FCRL5: variants seen among roughly 807,000 people sequenced by gnomAD.
FCRL5 encodes Fc receptor-like protein 5.
FCRL5 carries 79 observed loss-of-function variants against 92.1 expected under a neutral mutation model. That is an observed-to-expected ratio of 0.86 (90% confidence interval 0.72 to 1.03). The LOEUF (loss-of-function observed/expected upper bound fraction) is 1.03. Ranked by LOEUF, FCRL5 falls within the 50% of genes least tolerant of loss-of-function variation. The pLI, the probability that FCRL5 is intolerant of heterozygous loss-of-function variation, is 0.00. For missense variants in FCRL5, 1,160 were observed against 1,181.1 expected (o/e 0.98, Z 0.26); for synonymous variants, 466 against 469.3 (o/e 0.99, Z 0.09).
chr1:157,542,981 C>A lies in FCRL5; in HGVS notation c.1001G>T (p.Arg334Leu). The A allele has an allele frequency of 3.1e-6, 5 of 1,614,222 alleles. No individual in the cohort carries two copies. The highest frequency in any genetic ancestry group is 4.2e-6 in the Non-Finnish European group (5 of 1,180,032). ...EGVPLRHKSV[R>L]CERGASISFS... ...GCTGATGGATGCTCCCCTTTCACAG[C>A]GGACTGACTTGTGCCTCAGGGGGAC... is the stretch of plus-strand genomic sequence containing the variant. Residue 334 changes from arginine (R) to leucine (L), a missense_variant, in exon 6 of 17, where the codon CGC (arginine) becomes CTC (leucine). Physicochemically the swap from Arg to Leu is moderately radical, Grantham distance 102. Transcript: ENST00000361835.
At chr1:157,532,759 C>A (rs546609219) in intron 8 of FCRL5, 10 of 152,124 alleles carry the variant, frequency 6.6e-5, no homozygotes, top group Non-Finnish European at 1.5e-4. Flanking sequence ...GGGGCTTTGA[C>A]GAGTCAATGT....
intron 8 of FCRL5, chr1:157,534,193 A>G: frequency 2.1e-6 from 1 of 468,018 alleles, no homozygotes; most frequent in South Asian, 2.1e-5. Context: ...GTTCACCAGC[A>G]GCTTTCTCCA....
chr1:157,534,555 G>A (rs1223816299), intron 8 of FCRL5, 59 bp downstream of exon 8: 3 of 1,601,316 alleles, frequency 1.9e-6, no homozygotes, highest in Non-Finnish European at 1.7e-6. Context: ...GATTTTTAAA[G>A]GAATGGGTGA....
intron 8 of FCRL5, among the ~76,000 whole-genome samples, chr1:157,530,230 G>A (rs1042806335): frequency 6.6e-6 from 1 of 151,978 alleles, no homozygotes; most frequent in Non-Finnish European, 1.5e-5. Context: ...TATATTATGG[G>A]CATCTTTCTG....
chr1:157,546,492 A>T (rs1558142459), intron 3 of FCRL5, among the ~76,000 whole-genome samples: 1 of 151,888 alleles, frequency 6.6e-6, no homozygotes, highest in Non-Finnish European at 1.5e-5. Context: ...AACCAAACCA[A>T]ACCAAACCAA....
intron 2 of FCRL5, among the ~76,000 whole-genome samples, chr1:157,547,836 C>T (rs1447068530): frequency 6.6e-6 from 1 of 152,154 alleles, no homozygotes; most frequent in Non-Finnish European, 1.5e-5. Flanking sequence ...TCTCAATTAT[C>T]CACTCAGAGC....
At chr1:157,516,102 A>C in intron 15 of FCRL5, 1 of 617,218 alleles carries the variant, frequency 1.6e-6, no homozygotes, top group East Asian at 2.7e-5. Flanking sequence ...TTTGTGGCCC[A>C]CTCTGAGCTG....
At position 157,515,145 on chromosome 1, in the gene FCRL5, G is replaced by A. The variant is rs181958494; in HGVS notation, c.*530C>T. On this transcript the variant is annotated 3_prime_UTR_variant, in exon 17 of 17. Transcript: ENST00000361835. ...AGGAGTGTGAAATGCAGCCCCCGTG[G>A]GGAGACCCATCACATGTCCCATGTG... The A allele has an allele frequency of 5.7e-6, 1 of 174,374 alleles. No individual in the cohort carries two copies. The highest frequency in any genetic ancestry group is 5.4e-5 in the Admixed American group (1 of 18,592). 10.8% of individuals were successfully genotyped at this position (174,374 alleles called of 1,614,324 possible). A position where few individuals can be genotyped will look rare whatever the true frequency, so the allele number is the denominator to read the frequency against.
chr1:157,537,694 A>G (rs1254322779), intron 7 of FCRL5, among the ~76,000 whole-genome samples: 1 of 152,186 alleles, frequency 6.6e-6, no homozygotes, highest in Non-Finnish European at 1.5e-5. Flanking sequence ...ACCTGCCGAC[A>G]TGTGATGTCG....
intron 8 of FCRL5, 27 bp from the exon 9 acceptor site, chr1:157,527,922 C>G: frequency 6.6e-7 from 1 of 1,514,626 alleles, no homozygotes; most frequent in Non-Finnish European, 8.8e-7. Context: ...GTTAGGGACA[C>G]ATGTATTTTT....
At chr1:157,528,001 A>C in intron 8 of FCRL5, 106 bp from the exon 9 acceptor site, 1 of 1,292,276 alleles carries the variant, frequency 7.7e-7, no homozygotes, top group Non-Finnish European at 1.0e-6. Flanking sequence ...GGACATCCAA[A>C]TTGGTAAAGA....
chr1:157,547,233 G>C (rs1242054620), intron 2 of FCRL5, 36 bp from the exon 3 acceptor site: 5 of 1,609,574 alleles, frequency 3.1e-6, no homozygotes, highest in Non-Finnish European at 4.2e-6. Flanking sequence ...TGAGGTGGAG[G>C]CGCCTGCAGA....
At position 157,544,282 on chromosome 1, in the gene FCRL5, C is replaced by T; in HGVS notation, c.824G>A (p.Arg275Lys). The change falls in exon 5 of 17, where the codon AGA becomes AAA. Residue 275 changes from arginine to lysine, a missense_variant. Arg to Lys is a conservative substitution (Grantham distance 26). Coordinates refer to ENST00000361835, the MANE Select transcript of FCRL5 (RefSeq NM_031281.3). ...MPYSVISDSP[R>K]SWIQVQIPAS... ...CTTACTCTGCACCTGTATCCAGGAT[C>T]TCGGGCTGTCAGATATGACGCTGTA... 6.2e-7 allele frequency: 1 copy of T among 1,614,198 alleles called. No individual in the cohort carries two copies. Among genetic ancestry groups the T allele is most frequent in the Non-Finnish European group, 8.5e-7 (1 of 1,180,006 alleles).
intron 1 of FCRL5, among the ~76,000 whole-genome samples, 182 bp from the exon 2 acceptor site, chr1:157,549,762 A>T (rs1558144685): frequency 6.6e-6 from 1 of 152,120 alleles, no homozygotes; most frequent in Non-Finnish European, 1.5e-5. Flanking sequence ...ATACATATAT[A>T]TATGGCATGG....
At chr1:157,551,577 T>C (rs1651812313) in intron 1 of FCRL5, among the ~76,000 whole-genome samples, 2 of 152,234 alleles carry the variant, frequency 1.3e-5, no homozygotes, top group Non-Finnish European at 2.9e-5. Context: ...AGCCCTTCTA[T>C]GTCATGACTT....
At chr1:157,530,307 A>G (rs1650639346) in intron 8 of FCRL5, among the ~76,000 whole-genome samples, 1 of 152,246 alleles carries the variant, frequency 6.6e-6, no homozygotes, top group Non-Finnish European at 1.5e-5. Context: ...TAATTTACAC[A>G]CAATAAAGTA....
chr1:157,536,721 C>T (rs1650984118), intron 7 of FCRL5, among the ~76,000 whole-genome samples: 1 of 152,222 alleles, frequency 6.6e-6, no homozygotes, highest in African/African-American at 2.4e-5. Flanking sequence ...AAAGTGTCCT[C>T]CCTCCCTCAC....
chr1:157,519,606 G>A lies in FCRL5; in HGVS notation c.2660+137C>T, dbSNP rs181764920. On this transcript the variant is annotated intron_variant, in intron 13 of 16. Coordinates refer to ENST00000361835, the MANE Select transcript of FCRL5 (RefSeq NM_031281.3). Reference sequence around the variant, plus strand: ...ATTGCCTTAAGATATCCCCAGGGACGTACAACAGGTAGTGGCCACACCCCA... The same window carrying A: ...ATTGCCTTAAGATATCCCCAGGGACATACAACAGGTAGTGGCCACACCCCA... 3.8e-4 allele frequency: 335 copies of A among 877,618 alleles called. 1 individual carries two copies. In the African/African-American group the frequency reaches 4.8e-3, roughly 13 times the overall value. The allele number at this position is 877,618 out of a possible 1,614,324, so 54.4% of individuals were successfully genotyped here. A position where few individuals can be genotyped will look rare whatever the true frequency, so the allele number is the denominator to read the frequency against.
intron 7 of FCRL5, among the ~76,000 whole-genome samples, chr1:157,536,636 C>A (rs1167931673): frequency 6.6e-6 from 1 of 152,242 alleles, no homozygotes; most frequent in African/African-American, 2.4e-5. Flanking sequence ...TTGTCTTCCC[C>A]AACCTTATCT....
Sources: gnomAD v4.1 joint callset for allele counts (sites outside exome capture counted in the v4.1 genomes callset) on GRCh38, gnomAD v4.1.1 for gene constraint, MANE v1.5 for transcripts, NCBI Gene and HGNC (gene_info 2026-07-23, HGNC 2026-07-21) for gene names.